C5orf63: variants seen among roughly 807,000 people sequenced by gnomAD.
C5orf63 encodes the protein chromosome 5 open reading frame 63, also known as glutaredoxin-like protein C5orf63.
Under a neutral mutation model 13.3 loss-of-function variants are expected in C5orf63, and 18 were observed. The observed-to-expected ratio is 1.36, with a 90% CI of 0.94 to 2.01. The LOEUF (loss-of-function observed/expected upper bound fraction) is 2.01. Among genes scored for constraint, C5orf63 ranks in the 30% most tolerant of loss-of-function variants. C5orf63 has a pLI of 0.00. For missense variants in C5orf63, 118 were observed against 127.7 expected (o/e 0.92, Z 0.36); for synonymous variants, 38 against 44.7 (o/e 0.85, Z 0.60).
chr5:127,056,699 G>C (rs1039474072), intron 3 of C5orf63, among the ~76,000 whole-genome samples: 4 of 152,072 alleles, frequency 2.6e-5, no homozygotes, highest in South Asian at 2.1e-4. Context: ...AACTAGAGGG[G>C]GATTTAACCC....
downstream of C5orf63, among the ~76,000 whole-genome samples, chr5:127,048,463 C>A (rs1753575776): frequency 6.6e-6 from 1 of 152,004 alleles, no homozygotes; most frequent in Non-Finnish European, 1.5e-5. Flanking sequence ...CCAACTTATG[C>A]CCCTCCCTCT....
At chr5:127,058,211 G>A (rs1753961750) in intron 3 of C5orf63, among the ~76,000 whole-genome samples, 1 of 151,978 alleles carries the variant, frequency 6.6e-6, no homozygotes. Flanking sequence ...CCTCAATTAG[G>A]CCCTGGTGTC....
chr5:127,061,481 G>A (rs186523012), intron 2 of C5orf63, among the ~76,000 whole-genome samples: 1 of 152,238 alleles, frequency 6.6e-6, no homozygotes, highest in Admixed American at 6.5e-5. Context: ...CCTGATAAAT[G>A]CATAAAAAAG....
At chr5:127,069,470 T>G (rs1754453511) in intron 2 of C5orf63, among the ~76,000 whole-genome samples, 1 of 152,216 alleles carries the variant, frequency 6.6e-6, no homozygotes, top group Non-Finnish European at 1.5e-5. Context: ...ACCCAGGCAA[T>G]GTCTTCTCTT....
At chr5:127,071,904 C>T (rs1754558904) in intron 1 of C5orf63, 1 of 152,096 alleles carries the variant, frequency 6.6e-6, no homozygotes, top group Admixed American at 6.6e-5. Context: ...CTCATAGTGC[C>T]TCTGAGTACT....
chr5:127,052,357 C>T, intron 4 of C5orf63: 1 of 368,098 alleles, frequency 2.7e-6, no homozygotes, highest in Non-Finnish European at 4.8e-6. Context: ...TTAAAGAAAA[C>T]ATGAATGCTG....
At chr5:127,069,742 T>C (rs374542734) in intron 2 of C5orf63, among the ~76,000 whole-genome samples, 3 of 152,184 alleles carry the variant, frequency 2.0e-5, no homozygotes, top group East Asian at 1.9e-4. Flanking sequence ...CCCTCAGTTA[T>C]GTGGGATTCT....
At chr5:127,063,700 A>G (rs1046876178) in intron 2 of C5orf63, among the ~76,000 whole-genome samples, 4 of 152,178 alleles carry the variant, frequency 2.6e-5, no homozygotes, top group Admixed American at 2.6e-4. Flanking sequence ...ATATAATGTA[A>G]ATTTAATGCT....
chr5:127,055,962 G>A (rs1409242397), intron 3 of C5orf63, among the ~76,000 whole-genome samples: 1 of 152,152 alleles, frequency 6.6e-6, no homozygotes, highest in African/African-American at 2.4e-5. Flanking sequence ...AAAGATACCA[G>A]TGGAATGGAC....
chr5:127,047,902 T>A (rs1049100522), downstream of C5orf63: 3 of 700,056 alleles, frequency 4.3e-6, no homozygotes, highest in Non-Finnish European at 7.8e-6. Flanking sequence ...CAGCTTCTGA[T>A]CCTTGTAGGG....
intron 2 of C5orf63, among the ~76,000 whole-genome samples, chr5:127,068,684 A>G (rs1754417429): frequency 6.6e-6 from 1 of 152,192 alleles, no homozygotes; most frequent in African/African-American, 2.4e-5. Flanking sequence ...AGGAGTCTTC[A>G]GTATAAGCAA....
intron 3 of C5orf63, among the ~76,000 whole-genome samples, chr5:127,058,030 A>G (rs937184128): frequency 9.9e-5 from 15 of 152,168 alleles, no homozygotes; most frequent in African/African-American, 3.6e-4. Context: ...TAAATAAGGT[A>G]TCTTTATTAA....
intron 3 of C5orf63, among the ~76,000 whole-genome samples, chr5:127,058,046 T>A (rs12655199): frequency 0.022 from 3,367 of 151,742 alleles, 79 homozygotes; most frequent in South Asian, 0.12. Flanking sequence ...ATTAAAAAAA[T>A]TTTTTTTTCA....
At chr5:127,057,333 CT>C in intron 3 of C5orf63, among the ~76,000 whole-genome samples, 1 of 152,200 alleles carries the variant, frequency 6.6e-6, no homozygotes, top group South Asian at 2.1e-4. Flanking sequence ...GAAAAGAGAT[CT>C]TTTTTGTTTG....
chr5:127,055,937 A>T (rs560521990), intron 3 of C5orf63, among the ~76,000 whole-genome samples: 129 of 152,290 alleles, frequency 8.5e-4, no homozygotes, highest in African/African-American at 3.0e-3. Flanking sequence ...ATTTTAAAAC[A>T]ATAAAGAACC....
rs1054894878 is a variant in C5orf63 at position 127,051,920 on chromosome 5, G to A, written c.199C>T (p.Leu67Phe). The change falls in exon 5 of 5, where the codon CTT (leucine) becomes TTT (phenylalanine). Residue 67 changes from leucine (L) to phenylalanine (F), a missense_variant. Leu to Phe is a conservative substitution (Grantham distance 22, BLOSUM62 0). Coordinates refer to ENST00000296662, the MANE Select transcript of C5orf63 (RefSeq NM_001164478.2). ...RFILQEVNIT[L>F]PENSVWYERY... ...TCATACCAGACAGAGTTTTCTGGAA[G>A]TGTGATGTTCACCTCCTGTAAAATG... The A allele has an allele frequency of 6.6e-7, 1 of 1,521,458 alleles. No individual in the cohort carries two copies. The highest frequency in any genetic ancestry group is 8.8e-7 in the Non-Finnish European group (1 of 1,140,160). 94.2% of individuals were successfully genotyped at this position (1,521,458 alleles called of 1,614,324 possible).
At chr5:127,071,723 G>A (rs1320225191) in intron 1 of C5orf63, 38 bp from the exon 2 acceptor site, 4 of 152,120 alleles carry the variant, frequency 2.6e-5, no homozygotes, top group African/African-American at 7.2e-5. Flanking sequence ...ATTTAAATAA[G>A]GAACATAAAA....
intron 1 of C5orf63, chr5:127,073,112 C>A (rs1461997203): frequency 1.3e-5 from 2 of 152,128 alleles, no homozygotes; most frequent in Non-Finnish European, 2.9e-5. Flanking sequence ...TTCAATTAAA[C>A]CCGGGACGGG....
intron 3 of C5orf63, among the ~76,000 whole-genome samples, chr5:127,056,852 AC>A (rs1466009004): frequency 2.6e-5 from 4 of 152,256 alleles, no homozygotes; most frequent in Admixed American, 6.5e-5. Context: ...GCAATCTGAT[AC>A]TGTACTTTTA....
Sources: allele counts gnomAD v4.1 joint callset (sites outside exome capture counted in the v4.1 genomes callset), GRCh38; gene constraint gnomAD v4.1.1; transcripts MANE v1.5; gene names NCBI Gene and HGNC (gene_info 2026-07-23, HGNC 2026-07-21).